The following SPTB variants were observed in gnomAD, a reference collection of about 807,000 sequenced individuals.
The protein encoded by SPTB is spectrin beta, erythrocytic.
SPTB carries 45 observed loss-of-function variants against 256.2 expected under a neutral mutation model. That is an observed-to-expected ratio of 0.18 (90% CI 0.14 to 0.23). The LOEUF (loss-of-function observed/expected upper bound fraction) is 0.23, where lower values mean the gene tolerates loss of function less well. SPTB is among the 10% of genes least tolerant of loss of function. SPTB has a pLI of 1.00. For synonymous variants in SPTB, 1,231 were observed against 1,243.1 expected (o/e 0.99, Z 0.21); for missense variants, 2,715 against 3,040.4 (o/e 0.89, Z 2.52).
chr14:64,875,292 A>C (rs7143861), intron 1 of SPTB, among the ~76,000 whole-genome samples: 4,806 of 152,284 alleles, frequency 0.032, 253 homozygotes, highest in African/African-American at 0.11. Flanking sequence ...TGAGCTATAA[A>C]GGCTAGGGAT....
intron 32 of SPTB, 23 bp from the exon 33 acceptor site, chr14:64,753,816 C>G (rs1176621518): frequency 1.2e-6 from 2 of 1,610,580 alleles, no homozygotes; most frequent in African/African-American, 1.3e-5. Context: ...TAGGGAGGAG[C>G]ACACCTTTCT....
At position 64,873,709 on chromosome 14, in the gene SPTB, G is replaced by T. The variant is rs1347522515; in HGVS notation, c.-52+6083C>A. On this transcript the variant is annotated intron_variant, in intron 1 of 35. Coordinates refer to ENST00000644917, the MANE Select transcript of SPTB (RefSeq NM_001355436.2). The surrounding 1 kb of genome is among the most constrained non-coding windows in gnomAD (Gnocchi z 4.3). Reference sequence around the variant, plus strand: ...AAGCAACCGCGGTCTCAACCAGAAGGCCCAGAATATTCAATTACTCCACTG... The same window carrying T: ...AAGCAACCGCGGTCTCAACCAGAAGTCCCAGAATATTCAATTACTCCACTG... Among the ~76,000 whole-genome samples the T allele has an allele frequency of 6.6e-6, 1 of 152,134 alleles. No homozygotes were observed. Among genetic ancestry groups the T allele is most frequent in the Non-Finnish European group, 1.5e-5 (1 of 68,030 alleles).
chr14:64,815,174 A>G (rs1157220051), intron 2 of SPTB, among the ~76,000 whole-genome samples: 1 of 152,228 alleles, frequency 6.6e-6, no homozygotes, highest in African/African-American at 2.4e-5. Context: ...GCACCTCCCA[A>G]AAGTGTGCTG....
At chr14:64,756,072 G>A (rs772703379) in intron 32 of SPTB, 2 of 152,264 alleles carry the variant, frequency 1.3e-5, no homozygotes, top group Non-Finnish European at 2.9e-5. Context: ...CAAAGGTGGA[G>A]ACTTGAGACA....
chr14:64,786,060 AG>A lies in SPTB; in HGVS notation c.3562-110del. ...AGCCACACAGGCCACGGTATGAATGAGCCCCCTAGAGTAGTACAGGGAGGAG... is the reference window on the plus strand; with the variant it reads ...AGCCACACAGGCCACGGTATGAATGACCCCCTAGAGTAGTACAGGGAGGAG... On this transcript the variant is annotated intron_variant, in intron 16 of 35. Transcript: ENST00000644917. This position sits in a 1 kb window ranked among gnomAD's most constrained non-coding sequence, Gnocchi z 5.6. The A allele has an allele frequency of 2.7e-6, 3 of 1,118,524 alleles. No homozygotes were observed. Among genetic ancestry groups the A allele is most frequent in the Non-Finnish European group, 4.0e-6 (3 of 746,938 alleles). The allele number at this position is 1,118,524 out of a possible 1,614,324, so 69.3% of individuals were successfully genotyped here. A position where few individuals can be genotyped will look rare whatever the true frequency, so the allele number is the denominator to read the frequency against.
At chr14:64,834,492 C>G (rs538276226) in intron 1 of SPTB, among the ~76,000 whole-genome samples, 1 of 151,364 alleles carries the variant, frequency 6.6e-6, no homozygotes, top group South Asian at 2.1e-4. Flanking sequence ...GTGGCATGAT[C>G]TCTACTCACT....
intron 2 of SPTB, 23 bp from the exon 3 acceptor site, chr14:64,805,113 G>A (rs562302537): frequency 3.6e-5 from 58 of 1,614,022 alleles, no homozygotes; most frequent in Middle Eastern, 1.6e-4. Context: ...AAGAACCTTG[G>A]TGAGGTGCCT....
rs923984431 is a variant in SPTB at position 64,785,654 on chromosome 14, A to G, written c.3765-27T>C. The G allele has an allele frequency of 4.3e-6, 7 of 1,613,618 alleles. No homozygotes were observed. In the African/African-American group the frequency reaches 8.0e-5, roughly 18 times the overall value. The stretch of plus-strand genomic sequence containing the variant: ...TGGAAAGGAAGCCAAAAGCACAGTC[A>G]CAATAGTGCCGAGCTTGGGGTCCTC... On this transcript the variant is annotated intron_variant, in intron 17 of 35. Transcript: ENST00000644917. The surrounding 1 kb of genome is among the most constrained non-coding windows in gnomAD (Gnocchi z 4.4).
rs1697942951 is a variant in SPTB at position 64,795,749 on chromosome 14, A to T, written c.1342-110T>A. 6.1e-6 allele frequency: 7 copies of T among 1,146,130 alleles called. No homozygotes were observed. Among genetic ancestry groups the T allele is most frequent in the Non-Finnish European group, 9.0e-6 (7 of 780,002 alleles). The allele number at this position is 1,146,130 out of a possible 1,614,324, so 71.0% of individuals were successfully genotyped here. On this transcript the variant is annotated intron_variant, in intron 11 of 35. Coordinates refer to ENST00000644917, the MANE Select transcript of SPTB (RefSeq NM_001355436.2). The surrounding 1 kb of genome is among the most constrained non-coding windows in gnomAD (Gnocchi z 6.5). ...GAACCAGTGCTAGATGGGAAAGCAC[A>T]TTCCCAAGAAGCAGCTAGTTCTGCC... is the stretch of plus-strand genomic sequence containing the variant.
intron 32 of SPTB, chr14:64,766,463 C>G (rs1379684389): frequency 1.4e-6 from 2 of 1,424,606 alleles, no homozygotes; most frequent in African/African-American, 2.9e-5. Context: ...TTAGGTAAAA[C>G]AAAACTAATA....
In SPTB at chr14:64,782,336, G is replaced by T; in HGVS notation, c.4220C>A (p.Pro1407Gln). Residue 1407 changes from proline to glutamine, a missense_variant, in exon 20 of 36, where the codon CCG becomes CAG. This residue lies in a region of SPTB where 2,239 missense variants were observed against 2,384.4 expected (regional missense o/e 0.94). Transcript: ENST00000644917. ...AMEDQLRSDD[P>Q]GKDLTSVNRM... ...ATTGACACTGGTCAGGTCCTTGCCC[G>T]GGTCGTCTGACCGCAGCTGGTCCTC... is the stretch of plus-strand genomic sequence containing the variant. 1 of 1,614,196 alleles carries T rather than the reference G, an allele frequency of 6.2e-7. No homozygotes were observed. The highest frequency in any genetic ancestry group is 1.3e-5 in the African/African-American group (1 of 75,038).
chr14:64,786,550 G>A lies in SPTB; in HGVS notation c.3415C>T (p.Leu1139=). The A allele has an allele frequency of 1.2e-6, 2 of 1,614,224 alleles. No individual in the cohort carries two copies. The highest frequency in any genetic ancestry group is 3.3e-4 in the Middle Eastern group (2 of 6,062). ...QGQTDPEYLL[L]GQRLEGLDTG... Reference sequence around the variant, plus strand: ...TCCAGGCCCTCCAGCCGCTGGCCCAGAAGCAGATACTCTGGGTCCGTCTGG... The same window carrying A: ...TCCAGGCCCTCCAGCCGCTGGCCCAAAAGCAGATACTCTGGGTCCGTCTGG... The change falls in exon 16 of 36, where the codon CTG becomes TTG. Residue 1139 remains leucine, a synonymous_variant. Coordinates refer to ENST00000644917, the MANE Select transcript of SPTB (RefSeq NM_001355436.2). The surrounding 1 kb of genome is among the most constrained non-coding windows in gnomAD (Gnocchi z 5.6).
intron 1 of SPTB, among the ~76,000 whole-genome samples, chr14:64,875,671 G>A (rs1882785654): frequency 6.6e-6 from 1 of 152,182 alleles, no homozygotes; most frequent in Non-Finnish European, 1.5e-5. Context: ...AGTAACCTAC[G>A]ATCTGTCTGT....
At position 64,844,057 on chromosome 14, in the gene SPTB, C is replaced by CA. The variant is rs1224622457; in HGVS notation, c.-51-20913dup. Among the ~76,000 whole-genome samples the CA allele has an allele frequency of 3.3e-5, 5 of 151,842 alleles. No individual in the cohort carries two copies. In the East Asian group the frequency reaches 9.6e-4, roughly 29 times the overall value. On this transcript the variant is annotated intron_variant, in intron 1 of 35. Coordinates refer to ENST00000644917, the MANE Select transcript of SPTB (RefSeq NM_001355436.2). This position sits in a 1 kb window ranked among gnomAD's most constrained non-coding sequence, Gnocchi z 4.1. ...ATGCCAGGTCTTTAGCAAATCCCAA[C>CA]AAAAAAAGGCTACAGTTGAGATCCA...
Position 64,795,903 on chromosome 14 carries a change from T to C in SPTB, c.1342-264A>G, listed in dbSNP as rs1214002429. Among the ~76,000 whole-genome samples the C allele has an allele frequency of 6.6e-6, 1 of 152,168 alleles. No homozygotes were observed. Among genetic ancestry groups the C allele is most frequent in the Non-Finnish European group, 1.5e-5 (1 of 68,012 alleles). On this transcript the variant is annotated intron_variant, in intron 11 of 35. Coordinates refer to ENST00000644917, the MANE Select transcript of SPTB (RefSeq NM_001355436.2). This position sits in a 1 kb window ranked among gnomAD's most constrained non-coding sequence, Gnocchi z 6.5. ...GGAGATGCAGCCTGCGTGTTACTAA[T>C]GGAGCCCCTTGGCAGCCTGCTGGCA...
At chr14:64,754,237 A>G (rs185638902) in intron 32 of SPTB, 18 of 303,148 alleles carry the variant, frequency 5.9e-5, no homozygotes, top group Admixed American at 4.8e-4. Context: ...GCAACCACTT[A>G]TAGTAGAATG....
At position 64,853,091 on chromosome 14, in the gene SPTB, G is replaced by T. The variant is rs1192226125; in HGVS notation, c.-52+26701C>A. Among the ~76,000 whole-genome samples the T allele has an allele frequency of 6.6e-6, 1 of 152,102 alleles. No homozygotes were observed. The highest frequency in any genetic ancestry group is 1.9e-4 in the East Asian group (1 of 5,188). On this transcript the variant is annotated intron_variant, in intron 1 of 35. Transcript: ENST00000644917. The surrounding 1 kb of genome is among the most constrained non-coding windows in gnomAD (Gnocchi z 4.3). ...AAGAGACAGGCAATGGGACAAATAA[G>T]AGACAGGCAAAGAATGGGGAAAGAG...
intron 29 of SPTB, among the ~76,000 whole-genome samples, chr14:64,768,395 A>G (rs897611850): frequency 1.3e-5 from 2 of 152,208 alleles, no homozygotes; most frequent in Non-Finnish European, 2.9e-5. Context: ...TATTTTGAAA[A>G]CAAAATGTAT....
chr14:64,765,854 C>T (rs1302037783), intron 32 of SPTB, among the ~76,000 whole-genome samples: 1 of 127,546 alleles, frequency 7.8e-6, no homozygotes, highest in Admixed American at 7.5e-5. Context: ...GGTGTGTGCA[C>T]ATGTATGTGT....
Sources: allele counts gnomAD v4.1 joint callset (sites outside exome capture counted in the v4.1 genomes callset), GRCh38; gene constraint gnomAD v4.1.1; regional missense constraint gnomAD v4.1.1; non-coding constraint Gnocchi (gnomAD v3.1); transcripts MANE v1.5; gene names NCBI Gene and HGNC (gene_info 2026-07-23, HGNC 2026-07-21).